ZNF157: variants seen among roughly 807,000 people sequenced by gnomAD.
ZNF157 encodes zinc finger protein 157, also known as zinc finger protein 22.
Under a neutral mutation model 9.4 loss-of-function variants are expected in ZNF157, and 8 were observed. The observed-to-expected ratio is 0.85, with a 90% CI of 0.50 to 1.53. The LOEUF (loss-of-function observed/expected upper bound fraction) is 1.53. ZNF157 is among the 40% of genes most tolerant of loss of function. The pLI is 0.00. For synonymous variants in ZNF157, 120 were observed against 130.8 expected (o/e 0.92, Z 0.56); for missense variants, 316 against 385.2 (o/e 0.82, Z 1.50).
chrX:47,383,853 ACGGAGGTACC>A (rs377148899), intron 1 of ZNF157, among the ~76,000 whole-genome samples: 47 of 95,861 alleles, frequency 4.9e-4, no homozygotes, highest in African/African-American at 2.4e-3. Context: ...AGCCTCATAC[ACGGAGGTACC>A]AAAATCCATT....
chrX:47,410,406 A>C lies in ZNF157; in HGVS notation c.199+4A>C. On this transcript the variant is annotated splice_donor_region_variant and intron_variant, in intron 2 of 3. Coordinates refer to ENST00000377073, the MANE Select transcript of ZNF157 (RefSeq NM_003446.4). Reference sequence around the variant, plus strand: ...TACAGCAACCTGGCATCTGTGGGTGAGGATGATTGTCCGTGTAACTCCTGA... The same window carrying C: ...TACAGCAACCTGGCATCTGTGGGTGCGGATGATTGTCCGTGTAACTCCTGA... 8.3e-7 allele frequency: 1 copy of C among 1,210,363 alleles called. No individual in the cohort carries two copies. Among genetic ancestry groups the C allele is most frequent in the East Asian group, 3.0e-5 (1 of 33,826 alleles).
At chrX:47,373,317 G>C (rs1322316716) in intron 1 of ZNF157, among the ~76,000 whole-genome samples, 1 of 111,862 alleles carries the variant, frequency 8.9e-6, no homozygotes, top group East Asian at 2.8e-4. Flanking sequence ...CACGACAGTT[G>C]TAGGTAAAGA....
intron 1 of ZNF157, among the ~76,000 whole-genome samples, chrX:47,385,579 GTGTT>G (rs2055877371): frequency 9.3e-6 from 1 of 107,450 alleles, no homozygotes; most frequent in African/African-American, 3.5e-5. Context: ...GTGTGTGTGT[GTGTT>G]TGAGACAGAG....
chrX:47,382,595 CT>C (rs772429046), intron 1 of ZNF157, among the ~76,000 whole-genome samples: 339 of 96,373 alleles, frequency 3.5e-3, no homozygotes, highest in Middle Eastern at 5.5e-3. Context: ...GGCATGTAGC[CT>C]TTTTTTTTTT....
chrX:47,395,219 A>AT (rs1275065501), intron 1 of ZNF157, among the ~76,000 whole-genome samples: 1 of 109,671 alleles, frequency 9.1e-6, no homozygotes, highest in African/African-American at 3.3e-5. Context: ...TCCTGGCTAG[A>AT]TTTTTTTATT....
chrX:47,384,737 A>G (rs2055874600), intron 1 of ZNF157, among the ~76,000 whole-genome samples: 1 of 112,538 alleles, frequency 8.9e-6, no homozygotes, highest in Non-Finnish European at 1.9e-5. Context: ...ACTTTGGACT[A>G]GAGAATTTCC....
At chrX:47,394,345 C>G (rs190280926) in intron 1 of ZNF157, among the ~76,000 whole-genome samples, 74 of 111,289 alleles carry the variant, frequency 6.6e-4, no homozygotes, top group African/African-American at 2.1e-3. Context: ...TGCACCTGGC[C>G]AACAGTGAAT....
chrX:47,374,947 C>T (rs1489875589), intron 1 of ZNF157, among the ~76,000 whole-genome samples: 13 of 101,679 alleles, frequency 1.3e-4, no homozygotes, highest in African/African-American at 4.7e-4. Flanking sequence ...CTGACCTCAG[C>T]CTCCCAAAGT....
At chrX:47,411,427 C>T (rs1412572754) in intron 3 of ZNF157, among the ~76,000 whole-genome samples, 1 of 97,103 alleles carries the variant, frequency 1.0e-5, no homozygotes, top group Non-Finnish European at 2.2e-5. Context: ...GGCTCAACCT[C>T]AACTTAAAAC....
intron 1 of ZNF157, among the ~76,000 whole-genome samples, chrX:47,405,812 C>A (rs1198685603): frequency 9.0e-6 from 1 of 111,142 alleles, no homozygotes; most frequent in Non-Finnish European, 1.9e-5. Flanking sequence ...ACATGGAAAA[C>A]ATAGCTTTTA....
At chrX:47,388,396 GTT>G (rs1201910525) in intron 1 of ZNF157, among the ~76,000 whole-genome samples, 1 of 100,608 alleles carries the variant, frequency 9.9e-6, no homozygotes. Flanking sequence ...GTGTTTTTTT[GTT>G]TTTTTTTTTT....
chrX:47,412,728 G>C lies in ZNF157; in HGVS notation c.655G>C (p.Glu219Gln), dbSNP rs141458610. 1.1e-4 allele frequency: 138 copies of C among 1,209,947 alleles called. No individual in the cohort carries two copies. In the African/African-American group the frequency reaches 1.3e-3, roughly 11 times the overall value. ...QKTHTGERPFECNECGKSFGR... is the reference protein window; with the variant it reads ...QKTHTGERPFQCNECGKSFGR... ...AACTCACACAGGGGAGAGGCCCTTT[G>C]AATGTAATGAATGTGGGAAATCTTT... The change falls in exon 4 of 4, where the codon GAA becomes CAA. Residue 219 changes from glutamate to glutamine, a missense_variant. Around this residue, in one of 3 missense-constraint regions of ZNF157, gnomAD observed 146 missense variants for 183.8 expected, o/e 0.79. Coordinates refer to ENST00000377073, the MANE Select transcript of ZNF157 (RefSeq NM_003446.4).
chrX:47,383,722 G>C (rs943858904), intron 1 of ZNF157, among the ~76,000 whole-genome samples: 2 of 104,676 alleles, frequency 1.9e-5, no homozygotes, highest in Non-Finnish European at 3.9e-5. Flanking sequence ...AAGGGCAAAG[G>C]TTCTTTGGCT....
At chrX:47,408,820 C>A (rs944431326) in intron 1 of ZNF157, among the ~76,000 whole-genome samples, 1 of 111,484 alleles carries the variant, frequency 9.0e-6, no homozygotes, top group Non-Finnish European at 1.9e-5. Context: ...GATGACAGCA[C>A]CAAGGGAGGA....
At chrX:47,398,632 C>G (rs750653802) in intron 1 of ZNF157, among the ~76,000 whole-genome samples, 1 of 110,581 alleles carries the variant, frequency 9.0e-6, no homozygotes, top group African/African-American at 3.3e-5. Context: ...CTTTGCCTCC[C>G]GAGTAGCTGG....
At chrX:47,380,772 C>CT (rs202115104) in intron 1 of ZNF157, among the ~76,000 whole-genome samples, 10 of 99,755 alleles carry the variant, frequency 1.0e-4, no homozygotes, top group South Asian at 8.8e-4. Flanking sequence ...TATTATTTTT[C>CT]TTTTTTTTTT....
At chrX:47,383,670 T>C (rs1165930922) in intron 1 of ZNF157, among the ~76,000 whole-genome samples, 2 of 83,783 alleles carry the variant, frequency 2.4e-5, no homozygotes, top group African/African-American at 9.7e-5. Flanking sequence ...ATCGCACCAC[T>C]GCACTCTGTC....
At chrX:47,411,091 C>T (rs1336937976) in intron 3 of ZNF157, among the ~76,000 whole-genome samples, 1 of 108,554 alleles carries the variant, frequency 9.2e-6, no homozygotes, top group African/African-American at 3.4e-5. Context: ...CGGGCTCAAG[C>T]GATTCTCCTG....
intron 1 of ZNF157, among the ~76,000 whole-genome samples, chrX:47,403,283 A>G (rs1242330217): frequency 9.0e-6 from 1 of 110,528 alleles, no homozygotes; most frequent in African/African-American, 3.3e-5. Flanking sequence ...GTCTCGAAAA[A>G]CAAACAAAAA....
Sources: allele counts gnomAD v4.1 joint callset (sites outside exome capture counted in the v4.1 genomes callset), GRCh38; gene constraint gnomAD v4.1.1; regional missense constraint gnomAD v4.1.1; transcripts MANE v1.5; gene names NCBI Gene and HGNC (gene_info 2026-07-23, HGNC 2026-07-21).